MAP7D3: variants seen among roughly 807,000 people sequenced by gnomAD.
MAP7D3 encodes the protein MAP7 domain-containing protein 3.
In MAP7D3, 45 loss-of-function variants were observed where a neutral mutation model predicts 62.2. That is an observed-to-expected ratio of 0.72 (90% confidence interval 0.57 to 0.93). The LOEUF is 0.93. Among genes scored for constraint, MAP7D3 ranks in the 40% least tolerant of loss-of-function variants. MAP7D3 has a pLI of 0.00. For synonymous variants in MAP7D3, 288 were observed against 248.8 expected, an observed-to-expected ratio of 1.16 and a Z score of -1.48; for missense variants, 711 against 683.1, an observed-to-expected ratio of 1.04 and a Z score of -0.45.
chrX:136,255,151 GGTT>G (rs1263170933), upstream of MAP7D3, among the ~76,000 whole-genome samples: 3 of 112,483 alleles, frequency 2.7e-5, no homozygotes. Context: ...GGGAGGCCGA[GGTT>G]GTGGTGAGCT....
chrX:136,255,485 G>A (rs1237346111), upstream of MAP7D3, among the ~76,000 whole-genome samples: 1 of 111,434 alleles, frequency 9.0e-6, no homozygotes, highest in Non-Finnish European at 1.9e-5. Context: ...GTGACTAGCA[G>A]TGTGGGGACA....
In MAP7D3 at chrX:136,241,176, A is replaced by G; in HGVS notation, c.519T>C (p.Asn173=). The change falls in exon 5 of 19, where the codon AAT becomes AAC. Residue 173 remains asparagine, a synonymous_variant. Transcript: ENST00000316077. Reference sequence around the variant, plus strand: ...ATTAATTACCAGTTTTGCTCTCAGAATTCGCCATTGCAGAGCCTCCCCATG... The same window carrying G: ...ATTAATTACCAGTTTTGCTCTCAGAGTTCGCCATTGCAGAGCCTCCCCATG... ...RWSWGGSAMA[N]SESKTANKRS... 3 of 1,157,849 alleles carry G rather than the reference A, an allele frequency of 2.6e-6. No individual in the cohort carries two copies. Among genetic ancestry groups the G allele is most frequent in the South Asian group, 3.7e-5 (2 of 54,771 alleles).
In MAP7D3 at chrX:136,218,063, AAAAAAGAAAAAG is replaced by A. The variant is rs1224254203; in HGVS notation, c.*451_*462del. The stretch of plus-strand genomic sequence containing the variant: ...GGGCAAGACTCCGTCTCAAAAAAAA[AAAAAAGAAAAAG>A]AAAAAGAAAAAGCATTACTTTAAGA... On this transcript the variant is annotated 3_prime_UTR_variant, in exon 19 of 19. Transcript: ENST00000316077. 7.2e-5 allele frequency: 8 copies of A among 110,586 alleles called. No homozygotes were observed. The highest frequency in any genetic ancestry group is 2.6e-4 in the African/African-American group (8 of 30,461). 9.1% of individuals were successfully genotyped at this position (110,586 alleles called of 1,213,427 possible).
intron 1 of MAP7D3, among the ~76,000 whole-genome samples, chrX:136,246,927 A>G (rs948769112): frequency 8.9e-6 from 1 of 111,851 alleles, no homozygotes; most frequent in East Asian, 2.8e-4. Context: ...AAAATCAGCA[A>G]TGCCTGCCTG....
intron 4 of MAP7D3, among the ~76,000 whole-genome samples, chrX:136,243,774 C>T (rs958288886): frequency 7.2e-5 from 8 of 110,358 alleles, no homozygotes; most frequent in Non-Finnish European, 1.3e-4. Context: ...AGTGTCACAG[C>T]GACCACGCTA....
In MAP7D3 at chrX:136,231,799, C is replaced by T. The variant is rs763226894; in HGVS notation, c.1158G>A (p.Pro386=). Residue 386 remains proline (P), a synonymous_variant, in exon 8 of 19, where the codon CCG becomes CCA. Transcript: ENST00000316077. The part of the protein sequence containing the change: ...TVPKVSIVAS[P]EASLEAPPEV... ...CCGGGGGTGCTTCCAGGCTCGCCTC[C>T]GGGGATGCTACTATGCTCACCTTGG... is the stretch of plus-strand genomic sequence containing the variant. 1.5e-5 allele frequency: 18 copies of T among 1,209,577 alleles called. No homozygotes were observed. Among genetic ancestry groups the T allele is most frequent in the East Asian group, 1.5e-4 (5 of 33,745 alleles).
chrX:136,229,734 T>G (rs2074239296), intron 10 of MAP7D3, among the ~76,000 whole-genome samples: 1 of 105,658 alleles, frequency 9.5e-6, no homozygotes. Flanking sequence ...GGGGTCTCGC[T>G]CTCTCATCCA....
intron 7 of MAP7D3, among the ~76,000 whole-genome samples, chrX:136,235,437 G>C (rs1255802728): frequency 8.9e-6 from 1 of 111,811 alleles, no homozygotes; most frequent in East Asian, 2.8e-4. Flanking sequence ...GAAAATGCTA[G>C]GGAAAGGTGT....
At chrX:136,243,137 C>T (rs1282479362) in intron 4 of MAP7D3, among the ~76,000 whole-genome samples, 2 of 109,831 alleles carry the variant, frequency 1.8e-5, no homozygotes, top group Non-Finnish European at 3.8e-5. Flanking sequence ...AACTGAGCAC[C>T]GCAGAGAAAG....
At chrX:136,253,730 T>C (rs1318987958), upstream of MAP7D3, among the ~76,000 whole-genome samples, 1 of 111,987 alleles carries the variant, frequency 8.9e-6, no homozygotes, top group African/African-American at 3.2e-5. Flanking sequence ...GTCACGCCTG[T>C]AATCCCAGCA....
chrX:136,248,499 G>A (rs2074472768), intron 1 of MAP7D3, among the ~76,000 whole-genome samples: 1 of 112,197 alleles, frequency 8.9e-6, no homozygotes, highest in African/African-American at 3.2e-5. Context: ...AAATGAATGA[G>A]GGAATTTACT....
intron 13 of MAP7D3, 54 bp downstream of exon 13, chrX:136,225,855 G>A (rs2074187778): frequency 1.3e-6 from 1 of 772,813 alleles, no homozygotes; most frequent in African/African-American, 2.1e-5. Flanking sequence ...GATATCAGGT[G>A]CCCAACATTG....
chrX:136,219,340 G>A (rs1340058268), intron 18 of MAP7D3, 58 bp downstream of exon 18: 5 of 673,847 alleles, frequency 7.4e-6, no homozygotes, highest in Non-Finnish European at 1.2e-5. Flanking sequence ...TAGAAGGAGG[G>A]GAGCGGGTTC....
chrX:136,255,148 C>T (rs1195870498), upstream of MAP7D3, among the ~76,000 whole-genome samples: 1 of 111,661 alleles, frequency 9.0e-6, no homozygotes, highest in African/African-American at 3.3e-5. Context: ...CCTGGGAGGC[C>T]GAGGTTGTGG....
intron 14 of MAP7D3, among the ~76,000 whole-genome samples, chrX:136,223,355 T>C (rs1258740887): frequency 9.0e-6 from 1 of 110,909 alleles, no homozygotes; most frequent in Non-Finnish European, 1.9e-5. Context: ...CTTGAATACA[T>C]GTGCTCCATC....
intron 3 of MAP7D3, 139 bp from the exon 4 acceptor site, chrX:136,244,934 G>A: frequency 4.4e-6 from 2 of 458,323 alleles, no homozygotes; most frequent in Admixed American, 4.1e-5. Context: ...AGTAACTAAA[G>A]ATTTATTATA....
At chrX:136,228,857 T>C (rs1261952248) in intron 10 of MAP7D3, 99 bp from the exon 11 acceptor site, 5 of 662,493 alleles carry the variant, frequency 7.5e-6, no homozygotes, top group African/African-American at 4.6e-5. Context: ...TATATATATA[T>C]GTGCGTAGTC....
At chrX:136,215,170 A>C (rs1424525116), downstream of MAP7D3, among the ~76,000 whole-genome samples, 1 of 112,123 alleles carries the variant, frequency 8.9e-6, no homozygotes, top group Non-Finnish European at 1.9e-5. Context: ...ATCAAAAACA[A>C]AACCTAGTAA....
downstream of MAP7D3, chrX:136,213,806 T>C (rs1358184228): frequency 8.9e-6 from 1 of 112,048 alleles, no homozygotes; most frequent in Non-Finnish European, 1.9e-5. Flanking sequence ...CTCATAGGCA[T>C]AAATGAATAC....
Sources: gnomAD v4.1 joint callset for allele counts (sites outside exome capture counted in the v4.1 genomes callset) on GRCh38, gnomAD v4.1.1 for gene constraint, MANE v1.5 for transcripts, NCBI Gene and HGNC (gene_info 2026-07-23, HGNC 2026-07-21) for gene names.